The following UNC13C variants were observed in gnomAD, a reference collection of about 807,000 sequenced individuals.
UNC13C encodes unc-13 homolog C.
A neutral mutation model predicts 245.4 loss-of-function variants in UNC13C; 174 were observed. The ratio of observed to expected loss-of-function variants is 0.71; its 90% CI spans 0.63 to 0.80. The LOEUF is 0.80. Ranked by LOEUF, UNC13C falls within the 30% of genes least tolerant of loss-of-function variation. The pLI is 0.00. For missense variants in UNC13C, 2,829 were observed against 2,602.9 expected, an observed-to-expected ratio of 1.09 and a Z score of -1.89; for synonymous variants, 992 against 895.1, an observed-to-expected ratio of 1.11 and a Z score of -1.93.
intron 30 of UNC13C, among the ~76,000 whole-genome samples, chr15:54,592,114 C>T (rs759438141): frequency 6.6e-6 from 1 of 152,116 alleles, no homozygotes; most frequent in African/African-American, 2.4e-5. Context: ...TTTGAAAGTT[C>T]CTTTTGGAGT....
At chr15:53,946,052 A>G in the UNC13C span, among the ~76,000 whole-genome samples, 1 of 151,924 alleles carries the variant, frequency 6.6e-6, no homozygotes, top group Non-Finnish European at 1.5e-5. Context: ...TTGGTGGTGT[A>G]TTGGAATGCT....
chr15:54,179,362 A>G (rs1184698926), intron 4 of UNC13C, among the ~76,000 whole-genome samples: 2 of 152,124 alleles, frequency 1.3e-5, no homozygotes, highest in Non-Finnish European at 2.9e-5. Flanking sequence ...TAAAATTGCT[A>G]TTATTAATAT....
chr15:54,503,455 G>C (rs1283878530), intron 22 of UNC13C, among the ~76,000 whole-genome samples: 2 of 123,678 alleles, frequency 1.6e-5, no homozygotes, highest in Non-Finnish European at 3.4e-5. Context: ...TTTTCTTTTT[G>C]AGACAGAGTC....
chr15:54,628,345 C>CTACT lies in UNC13C; in HGVS notation c.*1236_*1239dup, dbSNP rs1287414504. On this transcript the variant is annotated 3_prime_UTR_variant, in exon 33 of 33. Coordinates refer to ENST00000260323, the MANE Select transcript of UNC13C (RefSeq NM_001080534.3). ...ACTTATGGTCATAACTGTTAGTGGA[C>CTACT]TACTTACAGAAGCAGAAACAAGAGC... The CTACT allele has an allele frequency of 1.3e-5, 2 of 152,470 alleles. No homozygotes were observed. Among genetic ancestry groups the CTACT allele is most frequent in the Admixed American group, 6.6e-5 (1 of 15,258 alleles). 9.4% of individuals were successfully genotyped at this position (152,470 alleles called of 1,614,324 possible). A position where few individuals can be genotyped will look rare whatever the true frequency, so the allele number is the denominator to read the frequency against.
chr15:54,256,910 G>A (rs2036293374), intron 8 of UNC13C, among the ~76,000 whole-genome samples: 1 of 152,274 alleles, frequency 6.6e-6, no homozygotes, highest in African/African-American at 2.4e-5. Flanking sequence ...GGCCTTGTTT[G>A]TCTTACTTTA....
chr15:53,889,829 G>T, the UNC13C span, among the ~76,000 whole-genome samples: 72 of 152,228 alleles, frequency 4.7e-4, no homozygotes, highest in African/African-American at 1.7e-3. Flanking sequence ...TTTTGTCATT[G>T]GTTCTGTTTA....
At chr15:54,256,669 G>A (rs539110101) in intron 8 of UNC13C, among the ~76,000 whole-genome samples, 3 of 152,152 alleles carry the variant, frequency 2.0e-5, no homozygotes, top group African/African-American at 7.2e-5. Flanking sequence ...ATAAAACAAT[G>A]ACAACGACAA....
intron 28 of UNC13C, among the ~76,000 whole-genome samples, chr15:54,551,914 A>C (rs942884078): frequency 2.0e-5 from 3 of 151,896 alleles, no homozygotes; most frequent in African/African-American, 7.2e-5. Context: ...TTTTATTAGA[A>C]TGTCACTCCC....
intron 30 of UNC13C, among the ~76,000 whole-genome samples, chr15:54,573,967 A>G (rs1897858672): frequency 6.6e-6 from 1 of 152,232 alleles, no homozygotes; most frequent in East Asian, 1.9e-4. Context: ...ATGAGAAGGT[A>G]GAAGAAGAAA....
At chr15:53,882,502 G>A in the UNC13C span, among the ~76,000 whole-genome samples, 6 of 152,246 alleles carry the variant, frequency 3.9e-5, no homozygotes, top group East Asian at 1.2e-3. Flanking sequence ...ATGACAGGGA[G>A]TCAGAATTAC....
intron 19 of UNC13C, among the ~76,000 whole-genome samples, chr15:54,459,319 C>T (rs1891708783): frequency 6.6e-6 from 1 of 152,048 alleles, no homozygotes; most frequent in Admixed American, 6.6e-5. Flanking sequence ...GTCTTATAGC[C>T]CTTAAGATTC....
chr15:54,551,478 C>T (rs745479052), intron 28 of UNC13C, among the ~76,000 whole-genome samples: 2 of 151,942 alleles, frequency 1.3e-5, no homozygotes, highest in Non-Finnish European at 2.9e-5. Context: ...GAACTCTGAT[C>T]GAGATAGAGA....
At chr15:53,915,672 A>G in the UNC13C span, among the ~76,000 whole-genome samples, 1 of 152,266 alleles carries the variant, frequency 6.6e-6, no homozygotes, top group African/African-American at 2.4e-5. Flanking sequence ...GCTTTACTAG[A>G]AAGAAAAAAT....
At chr15:54,331,020 C>T (rs2038422066) in intron 14 of UNC13C, among the ~76,000 whole-genome samples, 1 of 151,924 alleles carries the variant, frequency 6.6e-6, no homozygotes, top group African/African-American at 2.4e-5. Flanking sequence ...AATTTGTCAC[C>T]TCCTGTTAAT....
chr15:54,326,788 T>C (rs570465181), intron 14 of UNC13C, among the ~76,000 whole-genome samples: 15 of 152,060 alleles, frequency 9.9e-5, no homozygotes, highest in South Asian at 2.1e-4. Flanking sequence ...GAGTAGATTG[T>C]TGAAAATTGA....
chr15:54,362,708 C>G (rs1390161003), intron 17 of UNC13C, among the ~76,000 whole-genome samples: 1 of 152,106 alleles, frequency 6.6e-6, no homozygotes, highest in African/African-American at 2.4e-5. Flanking sequence ...TGCATTTAAA[C>G]AAGTCCTCCA....
chr15:54,605,457 T>C (rs1246967159), intron 30 of UNC13C, among the ~76,000 whole-genome samples: 3 of 152,208 alleles, frequency 2.0e-5, no homozygotes, highest in Non-Finnish European at 4.4e-5. Context: ...CTCTTTTGTC[T>C]TGCTTTGGAG....
At chr15:54,153,962 G>T (rs982797223) in intron 4 of UNC13C, among the ~76,000 whole-genome samples, 1 of 151,822 alleles carries the variant, frequency 6.6e-6, no homozygotes, top group African/African-American at 2.4e-5. Flanking sequence ...GTGGTATTTT[G>T]ATTTATTCAT....
chr15:54,214,440 A>T (rs191872080), intron 4 of UNC13C, among the ~76,000 whole-genome samples: 1 of 151,952 alleles, frequency 6.6e-6, no homozygotes, highest in Non-Finnish European at 1.5e-5. Context: ...GTGAAACTAT[A>T]TAAGAGGATG....
Sources: gnomAD v4.1 joint callset for allele counts (sites outside exome capture counted in the v4.1 genomes callset) on GRCh38, gnomAD v4.1.1 for gene constraint, MANE v1.5 for transcripts, NCBI Gene and HGNC (gene_info 2026-07-23, HGNC 2026-07-21) for gene names.